The following SH3GL2 variants were observed in gnomAD, a reference collection of about 807,000 sequenced individuals.
SH3GL2 encodes endophilin-A1.
In SH3GL2, 24 loss-of-function variants were observed where a neutral mutation model predicts 46.0. The observed-to-expected ratio is 0.52, with a 90% CI of 0.38 to 0.73. The LOEUF (loss-of-function observed/expected upper bound fraction) is 0.73. Among genes scored for constraint, SH3GL2 ranks in the 30% least tolerant of loss-of-function variants. SH3GL2 has a pLI of 0.00. For missense variants in SH3GL2, 413 were observed against 424.2 expected (o/e 0.97, Z 0.23); for synonymous variants, 196 against 147.1 (o/e 1.33, Z -2.40).
rs760110411 is a variant in SH3GL2 at position 17,795,657 on chromosome 9, G to A, written c.973G>A (p.Glu325Lys). The A allele has an allele frequency of 6.2e-7, 1 of 1,614,008 alleles. No individual in the cohort carries two copies. The highest frequency in any genetic ancestry group is 1.7e-5 in the Admixed American group (1 of 60,012). The change falls in exon 9 of 9, where the codon GAG (glutamate) becomes AAG (lysine). Residue 325 changes from glutamate to lysine, a missense_variant. Glu to Lys is a moderately conservative substitution (Grantham distance 56, BLOSUM62 1). Around this residue, in one of 3 missense-constraint regions of SH3GL2, gnomAD observed 248 missense variants for 215.0 expected, o/e 1.15. Coordinates refer to ENST00000380607, the MANE Select transcript of SH3GL2 (RefSeq NM_003026.5). ...DIITLTNQID[E>K]NWYEGMLHGH... ...CATCACACTCACTAACCAAATTGAT[G>A]AGAACTGGTATGAGGGGATGCTGCA...
intron 3 of SH3GL2, among the ~76,000 whole-genome samples, chr9:17,779,828 A>G (rs1823752610): frequency 6.6e-6 from 1 of 152,160 alleles, no homozygotes. Context: ...TCTGCTATAC[A>G]ACCACATGGA....
In SH3GL2 at chr9:17,778,262, C is replaced by T. The variant is rs571943448; in HGVS notation, c.188-8119C>T. 6.8e-3 allele frequency among the ~76,000 whole-genome samples: 1,031 copies of T among 152,270 alleles called. 9 individuals are homozygous for T. The highest frequency in any genetic ancestry group is 0.012 in the Non-Finnish European group (792 of 68,018). On this transcript the variant is annotated intron_variant, in intron 3 of 8. Transcript: ENST00000380607. ...TTTTCAGTTATCTTCCACGTTTACT[C>T]TAAGGCAGTTCTGAGCCCTGGGCAT...
chr9:17,592,483 T>C (rs768583248), intron 1 of SH3GL2, among the ~76,000 whole-genome samples: 8 of 152,222 alleles, frequency 5.3e-5, no homozygotes, highest in Non-Finnish European at 7.3e-5. Flanking sequence ...TCACTATTAA[T>C]TATCATGCAA....
chr9:17,697,101 C>A, intron 1 of SH3GL2, among the ~76,000 whole-genome samples: 1 of 152,134 alleles, frequency 6.6e-6, no homozygotes, highest in African/African-American at 2.4e-5. Flanking sequence ...AGAGAGGCCA[C>A]ATGGGCTGTG....
chr9:17,621,874 G>A (rs576300282), intron 1 of SH3GL2, among the ~76,000 whole-genome samples: 4 of 152,114 alleles, frequency 2.6e-5, no homozygotes, highest in Non-Finnish European at 5.9e-5. Flanking sequence ...CATAAGTGCC[G>A]CAGTTTTTGA....
chr9:17,695,405 G>T (rs1051405498), intron 1 of SH3GL2, among the ~76,000 whole-genome samples: 1 of 152,070 alleles, frequency 6.6e-6, no homozygotes, highest in African/African-American at 2.4e-5. Flanking sequence ...TTTCCAGGGG[G>T]TTAGAAACTT....
intron 1 of SH3GL2, among the ~76,000 whole-genome samples, chr9:17,592,087 G>A (rs896017005): frequency 3.3e-5 from 5 of 152,160 alleles, no homozygotes; most frequent in Non-Finnish European, 7.3e-5. Context: ...CAGGAAACCC[G>A]GTGGTGTAAT....
chr9:17,795,520 C>T (rs1405683102), intron 8 of SH3GL2, 24 bp from the exon 9 acceptor site: 2 of 1,601,120 alleles, frequency 1.2e-6, no homozygotes, highest in Admixed American at 1.7e-5. Context: ...GTGTTCTTCT[C>T]TTCTCTCCTG....
intron 1 of SH3GL2, among the ~76,000 whole-genome samples, chr9:17,739,523 G>C (rs1482664999): frequency 1.3e-5 from 2 of 152,068 alleles, no homozygotes; most frequent in Non-Finnish European, 2.9e-5. Flanking sequence ...GGAAACTATG[G>C]AAATGTCATC....
intron 1 of SH3GL2, among the ~76,000 whole-genome samples, chr9:17,663,741 C>A (rs1287478100): frequency 1.3e-5 from 2 of 152,146 alleles, no homozygotes; most frequent in African/African-American, 2.4e-5. Flanking sequence ...GTTAACAGAT[C>A]CACAATTAAA....
chr9:17,725,052 G>C, intron 1 of SH3GL2, among the ~76,000 whole-genome samples: 1 of 151,830 alleles, frequency 6.6e-6, no homozygotes, highest in East Asian at 1.9e-4. Flanking sequence ...CAGTCTTCCA[G>C]ACCATGATAG....
intron 1 of SH3GL2, among the ~76,000 whole-genome samples, chr9:17,579,752 G>T (rs1306706711): frequency 6.6e-6 from 1 of 152,146 alleles, no homozygotes; most frequent in Non-Finnish European, 1.5e-5. Flanking sequence ...GGAGGCCGGC[G>T]GTTTGCGCTC....
intron 3 of SH3GL2, among the ~76,000 whole-genome samples, chr9:17,763,576 A>G (rs80167195): frequency 0.038 from 5,818 of 152,260 alleles, 308 homozygotes; most frequent in African/African-American, 0.12. Context: ...GGATTCTCTC[A>G]GAGCCTCCAG....
intron 1 of SH3GL2, among the ~76,000 whole-genome samples, chr9:17,667,222 C>T (rs765652366): frequency 2.0e-5 from 3 of 152,086 alleles, no homozygotes; most frequent in Non-Finnish European, 4.4e-5. Flanking sequence ...ATATAATTCA[C>T]ATACCATAAC....
At chr9:17,699,782 C>G (rs1444065079) in intron 1 of SH3GL2, among the ~76,000 whole-genome samples, 1 of 152,216 alleles carries the variant, frequency 6.6e-6, no homozygotes, top group Admixed American at 6.5e-5. Context: ...ATGGCATGTG[C>G]CATCATTTAT....
At chr9:17,583,371 G>C (rs1301248515) in intron 1 of SH3GL2, among the ~76,000 whole-genome samples, 3 of 152,168 alleles carry the variant, frequency 2.0e-5, no homozygotes, top group African/African-American at 7.2e-5. Flanking sequence ...GGGCACTCAT[G>C]ATTAAGTCAT....
chr9:17,682,746 A>C (rs1820805500), intron 1 of SH3GL2, among the ~76,000 whole-genome samples: 2 of 152,072 alleles, frequency 1.3e-5, no homozygotes, highest in Non-Finnish European at 2.9e-5. Flanking sequence ...TCCTTTGAAA[A>C]ACCCATTAAG....
chr9:17,666,379 T>C (rs1226261000), intron 1 of SH3GL2, among the ~76,000 whole-genome samples: 3 of 152,130 alleles, frequency 2.0e-5, no homozygotes, highest in Non-Finnish European at 4.4e-5. Flanking sequence ...ATTATGACTC[T>C]AATTCTTTCA....
chr9:17,670,175 A>G (rs1242495584), intron 1 of SH3GL2, among the ~76,000 whole-genome samples: 1 of 152,130 alleles, frequency 6.6e-6, no homozygotes, highest in African/African-American at 2.4e-5. Context: ...AAGGGGAGGT[A>G]GAATCCCCAT....
Sources: allele counts gnomAD v4.1 joint callset (sites outside exome capture counted in the v4.1 genomes callset), GRCh38; gene constraint gnomAD v4.1.1; regional missense constraint gnomAD v4.1.1; transcripts MANE v1.5; gene names NCBI Gene and HGNC (gene_info 2026-07-23, HGNC 2026-07-21).